The following HECW1 variants were observed in gnomAD, a reference collection of about 807,000 sequenced individuals.
HECW1 encodes the protein HECT, C2 and WW domain containing E3 ubiquitin protein ligase 1, also known as E3 ubiquitin-protein ligase HECW1.
Under a neutral mutation model 182.3 loss-of-function variants are expected in HECW1, and 61 were observed. The observed-to-expected ratio is 0.33, with a 90% CI of 0.27 to 0.41. HECW1 has a LOEUF of 0.41. Ranked by LOEUF, HECW1 falls within the 10% of genes least tolerant of loss-of-function variation. The probability of loss-of-function intolerance (pLI) is 1.00; values close to 1 mark genes in which losing one functional copy is unlikely to be tolerated. For missense variants in HECW1, 1,739 were observed against 2,108.9 expected, an observed-to-expected ratio of 0.82 and a Z score of 3.44; for synonymous variants, 859 against 832.6, an observed-to-expected ratio of 1.03 and a Z score of -0.55.
At chr7:43,378,347 G>A (rs1003807479) in intron 6 of HECW1, among the ~76,000 whole-genome samples, 6 of 152,236 alleles carry the variant, frequency 3.9e-5, no homozygotes, top group Non-Finnish European at 7.3e-5. Flanking sequence ...GTCAGGAATA[G>A]GATTATTCAA....
intron 13 of HECW1, among the ~76,000 whole-genome samples, chr7:43,457,689 C>T (rs967713914): frequency 9.2e-5 from 14 of 151,624 alleles, no homozygotes; most frequent in Admixed American, 9.2e-4. Context: ...GCAGGAGAAT[C>T]GCTTGAACCC....
At position 43,272,832 on chromosome 7, in the gene HECW1, A is replaced by C. The variant is rs747913828; in HGVS notation, c.27+28900A>C. 4.5e-4 allele frequency among the ~76,000 whole-genome samples: 68 copies of C among 152,206 alleles called. 1 individual carries two copies. Among genetic ancestry groups the C allele is most frequent in the Admixed American group, 3.8e-3 (58 of 15,282 alleles). On this transcript the variant is annotated intron_variant, in intron 3 of 29. Coordinates refer to ENST00000395891, the MANE Select transcript of HECW1 (RefSeq NM_015052.5). ...TCCCATTACTCTGTGTATTTCCAAA[A>C]GAAAACAAACCGTTACACCAAAAAG...
intron 6 of HECW1, among the ~76,000 whole-genome samples, chr7:43,368,772 G>T (rs899946090): frequency 3.5e-4 from 53 of 152,296 alleles, no homozygotes; most frequent in African/African-American, 1.2e-3. Flanking sequence ...ACCAGCTATG[G>T]TTCAGCTGCC....
intron 2 of HECW1, among the ~76,000 whole-genome samples, chr7:43,155,606 A>T (rs1473434432): frequency 6.6e-6 from 1 of 152,164 alleles, no homozygotes; most frequent in African/African-American, 2.4e-5. Context: ...GAACACAGGG[A>T]GGTTGATTTA....
intron 16 of HECW1, among the ~76,000 whole-genome samples, chr7:43,472,960 AC>A (rs1428092347): frequency 6.6e-6 from 1 of 152,084 alleles, no homozygotes; most frequent in Non-Finnish European, 1.5e-5. Context: ...GATTTGTTTG[AC>A]CCCTTCAAAT....
intron 21 of HECW1, among the ~76,000 whole-genome samples, chr7:43,501,922 T>C (rs1019688653): frequency 6.6e-6 from 1 of 152,250 alleles, no homozygotes; most frequent in Non-Finnish European, 1.5e-5. Flanking sequence ...TAAATTGCAG[T>C]GTCCATAAAT....
intron 7 of HECW1, among the ~76,000 whole-genome samples, chr7:43,403,054 G>A (rs1033538508): frequency 1.3e-5 from 2 of 152,178 alleles, no homozygotes; most frequent in Admixed American, 1.3e-4. Flanking sequence ...TATTCAAAAT[G>A]TTCTAAAAGG....
chr7:43,223,254 A>G (rs896681634), intron 2 of HECW1, among the ~76,000 whole-genome samples: 10 of 152,120 alleles, frequency 6.6e-5, no homozygotes, highest in Admixed American at 2.6e-4. Context: ...CACCAGACCT[A>G]TTGCAAAGGC....
chr7:43,376,779 T>C (rs931653656), intron 6 of HECW1, among the ~76,000 whole-genome samples: 2 of 151,960 alleles, frequency 1.3e-5, no homozygotes, highest in African/African-American at 2.4e-5. Context: ...GGCAGGACAA[T>C]TGCTTGAACC....
At position 43,276,455 on chromosome 7, in the gene HECW1, AT is replaced by A. The variant is rs200211526; in HGVS notation, c.27+32524del. On this transcript the variant is annotated intron_variant, in intron 3 of 29. Transcript: ENST00000395891. ...AAAAAGAGACTACATTTTAAAAAAT[AT>A]ATAGGTAATAAGATACTGGTCAAAA... Among the ~76,000 whole-genome samples, 695 of 98,142 alleles carry A rather than the reference AT, an allele frequency of 7.1e-3. 3 individuals carry two copies. Among genetic ancestry groups the A allele is most frequent in the African/African-American group, 0.054 (660 of 12,242 alleles). 64.4% of individuals were successfully genotyped at this position (98,142 alleles called of 152,430 possible).
chr7:43,353,700 G>T (rs1363777913), intron 5 of HECW1, among the ~76,000 whole-genome samples: 4 of 152,124 alleles, frequency 2.6e-5, no homozygotes, highest in Non-Finnish European at 4.4e-5. Flanking sequence ...TTTATACACT[G>T]GAAAAAGTGA....
At chr7:43,443,044 C>G (rs960275480) in intron 10 of HECW1, among the ~76,000 whole-genome samples, 1 of 152,144 alleles carries the variant, frequency 6.6e-6, no homozygotes, top group Non-Finnish European at 1.5e-5. Context: ...TGTTGAAGAA[C>G]TATAATTGTA....
At chr7:43,186,327 G>A (rs1156780210) in intron 2 of HECW1, among the ~76,000 whole-genome samples, 1 of 152,158 alleles carries the variant, frequency 6.6e-6, no homozygotes, top group African/African-American at 2.4e-5. Context: ...ACATAACAAT[G>A]TTTCAGTGAA....
chr7:43,157,332 C>A (rs1789994684), intron 2 of HECW1, among the ~76,000 whole-genome samples: 1 of 152,102 alleles, frequency 6.6e-6, no homozygotes. Flanking sequence ...TCAGTAGATT[C>A]ATTCCTCTGG....
At chr7:43,413,727 CT>C (rs1459074479) in intron 8 of HECW1, among the ~76,000 whole-genome samples, 1 of 112,936 alleles carries the variant, frequency 8.9e-6, no homozygotes, top group African/African-American at 3.7e-5. Flanking sequence ...TTCCCCATTG[CT>C]TGTTTTTCTC....
chr7:43,429,289 CATAT>C (rs57627873), intron 8 of HECW1, among the ~76,000 whole-genome samples: 1,635 of 106,008 alleles, frequency 0.015, 10 homozygotes, highest in Non-Finnish European at 0.019. Flanking sequence ...ATATTATATG[CATAT>C]ATATATATAT....
rs1784842205 is a variant in HECW1, at chr7:43,113,918, C to T, written c.-266-239C>T. ...GCTGGGCACCATAACTTCTTCCCTG[C>T]CGAATTTCAGCGCGTAGGGGGAGCT... On this transcript the variant is annotated intron_variant, in intron 1 of 29. Transcript: ENST00000395891. 4 of 268,206 alleles carry T rather than the reference C, an allele frequency of 1.5e-5. 1 individual carries two copies. The highest frequency in any genetic ancestry group is 1.8e-4 in the South Asian group (2 of 10,828). The allele number at this position is 268,206 out of a possible 1,614,324, so 16.6% of individuals were successfully genotyped here. A position where few individuals can be genotyped will look rare whatever the true frequency, so the allele number is the denominator to read the frequency against.
intron 15 of HECW1, 25 bp downstream of exon 15, chr7:43,466,593 G>T (rs1479093858): frequency 1.2e-6 from 2 of 1,608,026 alleles, no homozygotes; most frequent in African/African-American, 2.7e-5. Flanking sequence ...ATGCAGAGGG[G>T]GCGGCCTGGC....
chr7:43,183,692 T>C (rs6463171), intron 2 of HECW1, among the ~76,000 whole-genome samples: 34,407 of 152,146 alleles, frequency 0.23, 4,142 homozygotes, highest in Middle Eastern at 0.26. Context: ...CCATAGTCAA[T>C]CTATGGTTAC....
Sources: allele counts gnomAD v4.1 joint callset (sites outside exome capture counted in the v4.1 genomes callset), GRCh38; gene constraint gnomAD v4.1.1; transcripts MANE v1.5; gene names NCBI Gene and HGNC (gene_info 2026-07-23, HGNC 2026-07-21).